Variants in AGAP5 observed in about 807,000 individuals in gnomAD.
AGAP5 encodes the protein ArfGAP with GTPase domain, ankyrin repeat and PH domain 5.
In AGAP5, 8 loss-of-function variants were observed where a neutral mutation model predicts 27.7. That is an observed-to-expected ratio of 0.29 (90% CI 0.17 to 0.52). The LOEUF is 0.52. Among genes scored for constraint, AGAP5 ranks in the 20% least tolerant of loss-of-function variants. AGAP5 has a pLI of 0.97. For synonymous variants in AGAP5, 111 were observed against 338.0 expected (o/e 0.33, Z 7.37); for missense variants, 285 against 880.8 (o/e 0.32, Z 8.56).
In AGAP5 at chr10:73,675,251, A is replaced by T. The variant is rs1439175423; in HGVS notation, c.1409T>A (p.Ile470Asn). The T allele has an allele frequency of 6.2e-7, 1 of 1,608,148 alleles. No homozygotes were observed. Among genetic ancestry groups the T allele is most frequent in the East Asian group, 2.2e-5 (1 of 44,862 alleles). The change falls in exon 8 of 8, where the codon ATC becomes AAC. Residue 470 changes from isoleucine to asparagine, a missense_variant. Physicochemically the swap from Ile to Asn is moderately radical, Grantham distance 149 (BLOSUM62 -3). Coordinates refer to ENST00000374094, the MANE Select transcript of AGAP5 (RefSeq NM_001144000.4). ...GTGGGCGTTCCCACGCATGTTTTGG[A>T]TCGACTGCAGGGCCATGGCCTCGCT... is the stretch of plus-strand genomic sequence containing the variant. ...SQSEAMALQS[I>N]QNMRGNAHCV...
intron 3 of AGAP5, 140 bp downstream of exon 3, chr10:73,694,596 C>G (rs1589478591): frequency 4.8e-6 from 7 of 1,455,556 alleles, no homozygotes; most frequent in Non-Finnish European, 6.5e-6. Flanking sequence ...GAAAGTATAT[C>G]ACATATTAAA....
intron 4 of AGAP5, among the ~76,000 whole-genome samples, chr10:73,686,375 C>T (rs1421802744): frequency 6.6e-6 from 1 of 152,192 alleles, no homozygotes; most frequent in Non-Finnish European, 1.5e-5. Context: ...GAAACTGGAT[C>T]CTCAACTCTC....
intron 2 of AGAP5, among the ~76,000 whole-genome samples, chr10:73,695,655 C>CA (rs2082155003): frequency 6.6e-6 from 1 of 152,140 alleles, no homozygotes; most frequent in Non-Finnish European, 1.5e-5. Context: ...ATAGTACTTC[C>CA]AAGTTACAAA....
At chr10:73,689,626 G>A (rs1363333295) in intron 4 of AGAP5, among the ~76,000 whole-genome samples, 3 of 150,292 alleles carry the variant, frequency 2.0e-5, no homozygotes, top group Admixed American at 6.6e-5. Flanking sequence ...TGTGGGGAGC[G>A]CCTCTGCCCT....
chr10:73,689,177 C>T (rs972311324), intron 4 of AGAP5, among the ~76,000 whole-genome samples: 7 of 152,218 alleles, frequency 4.6e-5, no homozygotes, highest in African/African-American at 1.2e-4. Context: ...TTGGTGGAGA[C>T]GGGGTTTCGC....
At chr10:73,687,816 C>T (rs1277280660) in intron 4 of AGAP5, among the ~76,000 whole-genome samples, 1 of 152,070 alleles carries the variant, frequency 6.6e-6, no homozygotes, top group South Asian at 2.1e-4. Flanking sequence ...ATGACCAGCA[C>T]AGAAGGTTGA....
Position 73,675,911 on chromosome 10 carries a change from C to A in AGAP5, c.749G>T (p.Trp250Leu). ...PTPVCKRSMRWSNLFTSEKGS... is the reference protein window; with the variant it reads ...PTPVCKRSMRLSNLFTSEKGS... ...TTTCTCAGATGTAAACAGGTTGGAC[C>A]AGCGCATGGACCGCTTGCAAACGGG... is the stretch of plus-strand genomic sequence containing the variant. Residue 250 changes from tryptophan to leucine, a missense_variant, in exon 8 of 8, where the codon TGG (tryptophan) becomes TTG (leucine). Trp to Leu is a moderately conservative substitution (Grantham distance 61, BLOSUM62 -2). Coordinates refer to ENST00000374094, the MANE Select transcript of AGAP5 (RefSeq NM_001144000.4). 2 of 1,613,888 alleles carry A rather than the reference C, an allele frequency of 1.2e-6. No individual in the cohort carries two copies. Among genetic ancestry groups the A allele is most frequent in the Non-Finnish European group, 1.7e-6 (2 of 1,179,964 alleles).
chr10:73,676,408 C>T (rs1251682646), intron 7 of AGAP5, among the ~76,000 whole-genome samples: 1 of 140,990 alleles, frequency 7.1e-6, no homozygotes, highest in East Asian at 2.0e-4. Context: ...TGAACAGGGA[C>T]CTGGGAGGCA....
intron 3 of AGAP5, among the ~76,000 whole-genome samples, chr10:73,693,324 G>A (rs2082134463): frequency 1.3e-5 from 2 of 152,184 alleles, no homozygotes; most frequent in African/African-American, 4.8e-5. Flanking sequence ...AGGTGTTTGG[G>A]TAATGGCAGT....
At position 73,675,439 on chromosome 10, in the gene AGAP5, G is replaced by C. The variant is rs956445578; in HGVS notation, c.1221C>G (p.Ser407Arg). ...CAGACACAATCATAAAGTTGTTGGT[G>C]CTTTTCTTCTTTAGGTGTTTCTTTT... ...ANKKKHLKKK[S>R]TNNFMIVSAT... Residue 407 changes from serine (S) to arginine (R), a missense_variant, in exon 8 of 8, where the codon AGC becomes AGG. By Grantham distance (110) the Ser-to-Arg change is moderately radical. Coordinates refer to ENST00000374094, the MANE Select transcript of AGAP5 (RefSeq NM_001144000.4). 1.4e-5 allele frequency: 23 copies of C among 1,613,886 alleles called. No individual in the cohort carries two copies. The highest frequency in any genetic ancestry group is 1.3e-5 in the African/African-American group (1 of 74,848).
At chr10:73,685,574 G>A (rs2082056419) in intron 4 of AGAP5, among the ~76,000 whole-genome samples, 1 of 146,096 alleles carries the variant, frequency 6.8e-6, no homozygotes, top group Admixed American at 6.8e-5. Flanking sequence ...TTTTTGAGAT[G>A]GAGTCTCGCT....
At chr10:73,695,923 A>G (rs1327981217) in intron 2 of AGAP5, among the ~76,000 whole-genome samples, 1 of 152,222 alleles carries the variant, frequency 6.6e-6, no homozygotes, top group African/African-American at 2.4e-5. Flanking sequence ...AAAATTTTAG[A>G]GGCAAACCAA....
chr10:73,676,476 A>C (rs1014345572), intron 7 of AGAP5, among the ~76,000 whole-genome samples: 1 of 146,616 alleles, frequency 6.8e-6, no homozygotes, highest in African/African-American at 2.5e-5. Context: ...ACAGAAAGAG[A>C]GTCCATCAAA....
In AGAP5 at chr10:73,697,533, C is replaced by A; in HGVS notation, c.223G>T (p.Ala75Ser). 3 of 1,612,746 alleles carry A rather than the reference C, an allele frequency of 1.9e-6. No individual in the cohort carries two copies. The highest frequency in any genetic ancestry group is 2.5e-6 in the Non-Finnish European group (3 of 1,179,962). Residue 75 changes from alanine to serine, a missense_variant and splice_region_variant, in exon 1 of 8, where the codon GCT becomes TCT. By Grantham distance (99) the Ala-to-Ser change is moderately conservative. Coordinates refer to ENST00000374094, the MANE Select transcript of AGAP5 (RefSeq NM_001144000.4). ...TAGATGGCACCTATCACCTCCTTAC[C>A]TTCAGGCATCTCCTGGTCACGAATG... ...HHIRDQEMPEALEFSLSANPE... is the reference protein window; with the variant it reads ...HHIRDQEMPESLEFSLSANPE...
intron 4 of AGAP5, among the ~76,000 whole-genome samples, chr10:73,687,238 G>A (rs139442333): frequency 1.1e-3 from 162 of 152,344 alleles, no homozygotes; most frequent in African/African-American, 3.8e-3. Context: ...TTTTATATAT[G>A]TTTTTAAAGA....
chr10:73,680,537 C>G (rs967005971), intron 5 of AGAP5, among the ~76,000 whole-genome samples: 2 of 118,568 alleles, frequency 1.7e-5, no homozygotes, highest in African/African-American at 6.6e-5. Flanking sequence ...CACGCCTCAG[C>G]CTCCCAAGAA....
intron 3 of AGAP5, among the ~76,000 whole-genome samples, chr10:73,693,589 C>T (rs541474809): frequency 2.6e-5 from 4 of 151,698 alleles, no homozygotes; most frequent in East Asian, 3.9e-4. Flanking sequence ...GTCCCAACTA[C>T]TCGGGAGGCT....
Position 73,675,438 on chromosome 10 carries a change from T to C in AGAP5, c.1222A>G (p.Thr408Ala), listed in dbSNP as rs1263380168. ...GCAGACACAATCATAAAGTTGTTGG[T>C]GCTTTTCTTCTTTAGGTGTTTCTTT... ...NKKKHLKKKS[T>A]NNFMIVSATG... Residue 408 changes from threonine to alanine, a missense_variant, in exon 8 of 8, where the codon ACC becomes GCC. Thr to Ala is a moderately conservative substitution (Grantham distance 58). Transcript: ENST00000374094. The C allele has an allele frequency of 1.2e-6, 2 of 1,613,786 alleles. No individual in the cohort carries two copies. The highest frequency in any genetic ancestry group is 1.7e-5 in the Admixed American group (1 of 59,970).
Position 73,697,660 on chromosome 10 carries a change from A to C in AGAP5, c.96T>G (p.Tyr32Ter), listed in dbSNP as rs942175915. ...CCATCCTGTCCCCAGCTCCTGCCTC[A>C]TAGATCTCAGATTCAGAGGGACACA... Reference protein sequence around the residue: ...GSVCPSESEIYEAGAGDRMAG... With the variant: ...GSVCPSESEI Residue 32 changes from tyrosine to a stop codon, truncating the protein, a stop_gained, in exon 1 of 8, where the codon TAT becomes TAG. Transcript: ENST00000374094. LOFTEE classifies it high-confidence loss of function. 4.4e-6 allele frequency: 7 copies of C among 1,601,780 alleles called. No individual in the cohort carries two copies. The African/African-American group carries it at 9.4e-5, about 21-fold the overall frequency.
Sources: gnomAD v4.1 joint callset for allele counts (sites outside exome capture counted in the v4.1 genomes callset) on GRCh38, gnomAD v4.1.1 for gene constraint, MANE v1.5 for transcripts, NCBI Gene and HGNC (gene_info 2026-07-23, HGNC 2026-07-21) for gene names.